The following RAPGEF2 variants were observed in gnomAD, a reference collection of about 807,000 sequenced individuals.
RAPGEF2 encodes PDZ domain containing guanine nucleotide exchange factor (GEF) 1.
RAPGEF2 carries 54 observed loss-of-function variants against 186.7 expected under a neutral mutation model. The observed-to-expected ratio is 0.29, with a 90% CI of 0.23 to 0.36. The LOEUF is 0.36. RAPGEF2 is among the 10% of genes least tolerant of loss of function. The probability of loss-of-function intolerance (pLI) is 1.00; values close to 1 mark genes in which losing one functional copy is unlikely to be tolerated. For synonymous variants in RAPGEF2, 712 were observed against 705.9 expected (o/e 1.01, Z -0.14); for missense variants, 1,532 against 2,045.0 (o/e 0.75, Z 4.84).
rs772745644 is a variant in RAPGEF2, at chr4:159,358,171, A to T, written c.*32A>T. The T allele has an allele frequency of 6.2e-7, 1 of 1,605,330 alleles. No individual in the cohort carries two copies. The highest frequency in any genetic ancestry group is 1.7e-5 in the Admixed American group (1 of 59,188). On this transcript the variant is annotated 3_prime_UTR_variant, in exon 30 of 30. Transcript: ENST00000691494. ...GACTTTTCTGGAAGCAGAGCGAGCC[A>T]CCTGAAAGGAGAGCACAAGAAGACG... is the stretch of plus-strand genomic sequence containing the variant.
At chr4:159,200,236 G>A (rs535815538) in intron 3 of RAPGEF2, among the ~76,000 whole-genome samples, 2 of 152,274 alleles carry the variant, frequency 1.3e-5, no homozygotes, top group South Asian at 2.1e-4. Context: ...GGGAGGCTGA[G>A]GTGGGTGGAT....
chr4:159,321,887 A>C (rs1765283502), intron 9 of RAPGEF2, among the ~76,000 whole-genome samples: 1 of 152,226 alleles, frequency 6.6e-6, no homozygotes, highest in African/African-American at 2.4e-5. Flanking sequence ...GATTTGATAC[A>C]TGGAAAATAT....
rs927779959 is a variant in RAPGEF2, at chr4:159,180,192, G to A, written c.70-6450G>A. 3.9e-5 allele frequency among the ~76,000 whole-genome samples: 6 copies of A among 152,136 alleles called. No individual in the cohort carries two copies. The East Asian group carries it at 5.8e-4, about 15-fold the overall frequency. On this transcript the variant is annotated intron_variant, in intron 1 of 29. Coordinates refer to ENST00000691494, the MANE Select transcript of RAPGEF2 (RefSeq NM_001394067.2). ...TGCGATCTGTGGTAACTAATATTTGGCTGCTGACCTCCTGATTGAAGAAAA... is the reference window on the plus strand; with the variant it reads ...TGCGATCTGTGGTAACTAATATTTGACTGCTGACCTCCTGATTGAAGAAAA...
chr4:159,207,026 C>G (rs755149470), intron 3 of RAPGEF2, among the ~76,000 whole-genome samples: 56 of 152,336 alleles, frequency 3.7e-4, no homozygotes, highest in Middle Eastern at 3.4e-3. Flanking sequence ...TTTTGCTTAT[C>G]ATATGTGGCC....
At chr4:159,187,135 C>T (rs532368224) in intron 2 of RAPGEF2, among the ~76,000 whole-genome samples, 1 of 152,296 alleles carries the variant, frequency 6.6e-6, no homozygotes, top group Admixed American at 6.5e-5. Flanking sequence ...AGGTCCTATA[C>T]TAAGGAGCTT....
chr4:159,353,995 C>G lies in RAPGEF2; in HGVS notation c.4600C>G (p.Pro1534Ala). The G allele has an allele frequency of 6.2e-7, 1 of 1,609,774 alleles. No individual in the cohort carries two copies. Among genetic ancestry groups the G allele is most frequent in the South Asian group, 1.1e-5 (1 of 90,422 alleles). Reference protein sequence around the residue: ...SVTTEETKPVPMPAHIAVASS... With the variant: ...SVTTEETKPVAMPAHIAVASS... ...GACTACGGAAGAAACCAAGCCTGTC[C>G]CCATGCCTGCCCACATAGCTGTGGC... The change falls in exon 28 of 30, where the codon CCC becomes GCC. Residue 1534 changes from proline (P) to alanine (A), a missense_variant. Coordinates refer to ENST00000691494, the MANE Select transcript of RAPGEF2 (RefSeq NM_001394067.2). This position sits in a 1 kb window ranked among gnomAD's most constrained non-coding sequence, Gnocchi z 4.3.
intron 4 of RAPGEF2, among the ~76,000 whole-genome samples, chr4:159,215,283 T>A (rs939495792): frequency 4.6e-5 from 7 of 152,060 alleles, no homozygotes; most frequent in Non-Finnish European, 1.0e-4. Flanking sequence ...ACCCATCCTG[T>A]CTCCTCAGCC....
chr4:159,174,756 CTTTCT>C (rs946897349), intron 1 of RAPGEF2, among the ~76,000 whole-genome samples: 12 of 112,526 alleles, frequency 1.1e-4, no homozygotes, highest in African/African-American at 3.7e-4. Context: ...TCTTTTCTTT[CTTTCT>C]TTTTTTTTTT....
At chr4:159,251,063 T>C (rs11932214) in intron 7 of RAPGEF2, among the ~76,000 whole-genome samples, 40,926 of 152,172 alleles carry the variant, frequency 0.27, 6,406 homozygotes, top group African/African-American at 0.43. Context: ...GCTTAGCACC[T>C]GGGTGAGCAG....
chr4:159,239,579 A>G (rs1753710600), intron 5 of RAPGEF2, among the ~76,000 whole-genome samples: 1 of 152,230 alleles, frequency 6.6e-6, no homozygotes, highest in Non-Finnish European at 1.5e-5. Flanking sequence ...TATTGTTAAA[A>G]TAGATATTAG....
At chr4:159,202,681 A>C (rs1352989196) in intron 3 of RAPGEF2, among the ~76,000 whole-genome samples, 1 of 152,104 alleles carries the variant, frequency 6.6e-6, no homozygotes, top group Non-Finnish European at 1.5e-5. Flanking sequence ...GGCCCACTGC[A>C]ACCTCCGCCT....
chr4:159,225,285 CT>C (rs1354466963), intron 4 of RAPGEF2, among the ~76,000 whole-genome samples: 2 of 152,146 alleles, frequency 1.3e-5, no homozygotes, highest in African/African-American at 4.8e-5. Flanking sequence ...GTCTCATGGT[CT>C]ATTTTAGCAA....
intron 1 of RAPGEF2, among the ~76,000 whole-genome samples, chr4:159,113,439 A>G (rs1738715254): frequency 1.3e-5 from 2 of 152,134 alleles, no homozygotes; most frequent in Admixed American, 1.3e-4. Flanking sequence ...CCAAATTATT[A>G]CTTTTTAAGA....
rs1020425601 is a variant in RAPGEF2, at chr4:159,130,999, T to A, written c.69+26768T>A. 2.0e-5 allele frequency among the ~76,000 whole-genome samples: 3 copies of A among 152,088 alleles called. No homozygotes were observed. In the East Asian group the frequency reaches 5.8e-4, roughly 30 times the overall value. ...GGCGCAGCCACACCCAGCCAGCTAT[T>A]ATTATTTTAACTTTACCTTTTTAAA... On this transcript the variant is annotated intron_variant, in intron 1 of 29. Coordinates refer to ENST00000691494, the MANE Select transcript of RAPGEF2 (RefSeq NM_001394067.2).
intron 9 of RAPGEF2, among the ~76,000 whole-genome samples, chr4:159,318,755 T>TA (rs1004166842): frequency 4.7e-4 from 71 of 152,082 alleles, no homozygotes; most frequent in Middle Eastern, 3.4e-3. Flanking sequence ...CCCGGGTTTT[T>TA]AAAAAAAATT....
intron 1 of RAPGEF2, among the ~76,000 whole-genome samples, chr4:159,105,135 T>C (rs1384837372): frequency 1.3e-5 from 2 of 152,208 alleles, no homozygotes; most frequent in African/African-American, 4.8e-5. Context: ...TTTATAAAAA[T>C]GTGGTAGCTT....
chr4:159,245,815 T>C (rs548232334), intron 7 of RAPGEF2, among the ~76,000 whole-genome samples: 14 of 151,774 alleles, frequency 9.2e-5, no homozygotes, highest in African/African-American at 3.2e-4. Flanking sequence ...AGAGGAAAAC[T>C]GTACAGAGAA....
intron 7 of RAPGEF2, among the ~76,000 whole-genome samples, chr4:159,274,652 C>G (rs1485571725): frequency 1.3e-5 from 2 of 152,234 alleles, no homozygotes; most frequent in East Asian, 3.9e-4. Flanking sequence ...ATAGACATGA[C>G]ACATGCTTGT....
intron 7 of RAPGEF2, among the ~76,000 whole-genome samples, chr4:159,289,102 C>T (rs1001026506): frequency 6.6e-6 from 1 of 152,086 alleles, no homozygotes; most frequent in Non-Finnish European, 1.5e-5. Context: ...TCCCCTTCTC[C>T]CCTCAAGCCC....
Sources: gnomAD v4.1 joint callset for allele counts (sites outside exome capture counted in the v4.1 genomes callset) on GRCh38, gnomAD v4.1.1 for gene constraint, Gnocchi (gnomAD v3.1) non-coding constraint, MANE v1.5 for transcripts, NCBI Gene and HGNC (gene_info 2026-07-23, HGNC 2026-07-21) for gene names.